BTLA: variants seen among roughly 807,000 people sequenced by gnomAD.
BTLA encodes B- and T-lymphocyte attenuator.
Under a neutral mutation model 25.0 loss-of-function variants are expected in BTLA, and 11 were observed. The ratio of observed to expected loss-of-function variants is 0.44; its 90% confidence interval spans 0.28 to 0.73. The LOEUF (loss-of-function observed/expected upper bound fraction) is 0.73, where lower values mean the gene tolerates loss of function less well. BTLA is among the 30% of genes least tolerant of loss of function. BTLA has a pLI of 0.15. For synonymous variants in BTLA, 104 were observed against 119.8 expected (o/e 0.87, Z 0.86); for missense variants, 282 against 332.8 (o/e 0.85, Z 1.19).
intron 1 of BTLA, among the ~76,000 whole-genome samples, chr3:112,481,548 G>T (rs60780375): frequency 1.4e-4 from 21 of 152,366 alleles, no homozygotes; most frequent in Admixed American, 1.0e-3. Context: ...CCTGTAAAGG[G>T]CATTCTAGTT....
Position 112,466,219 on chromosome 3 carries a change from T to C in BTLA, c.759A>G (p.Pro253=), listed in dbSNP as rs1343332107. The part of the protein sequence containing the change: ...YSNPCLEENK[P]GIVYASLNHS... ...GGTTCAGGGAAGCATAAACAATGCC[T>C]GGTTTGTTTTCTTCCAGGCATGGAT... The change falls in exon 5 of 5, where the codon CCA becomes CCG. Residue 253 remains proline (P), a synonymous_variant. Coordinates refer to ENST00000334529, the MANE Select transcript of BTLA (RefSeq NM_181780.4). The C allele has an allele frequency of 1.1e-5, 18 of 1,614,030 alleles. No homozygotes were observed. The highest frequency in any genetic ancestry group is 1.5e-5 in the Non-Finnish European group (18 of 1,179,940).
intron 3 of BTLA, 146 bp downstream of exon 3, chr3:112,471,066 T>G: frequency 8.7e-7 from 1 of 1,146,100 alleles, no homozygotes; most frequent in Non-Finnish European, 1.2e-6. Flanking sequence ...TTAGCGCAAA[T>G]ATGAGTTGTC....
In BTLA at chr3:112,499,337, G is replaced by A; in HGVS notation, c.22C>T (p.Leu8Phe). Reference sequence around the variant, plus strand: ...ACCCAAAATAATTTCCCAGTTCCAAGCATGGCAGGCAATGTCTTCATTTCC... The same window carrying A: ...ACCCAAAATAATTTCCCAGTTCCAAACATGGCAGGCAATGTCTTCATTTCC... MKTLPAMLGTGKLFWVFF... is the reference protein window; with the variant it reads MKTLPAMFGTGKLFWVFF... The change falls in exon 1 of 5, where the codon CTT becomes TTT. Residue 8 changes from leucine (L) to phenylalanine (F), a missense_variant. Physicochemically the swap from Leu to Phe is conservative, Grantham distance 22 (BLOSUM62 0). Coordinates refer to ENST00000334529, the MANE Select transcript of BTLA (RefSeq NM_181780.4). 6.2e-7 allele frequency: 1 copy of A among 1,613,754 alleles called. No homozygotes were observed. Among genetic ancestry groups the A allele is most frequent in the East Asian group, 2.2e-5 (1 of 44,862 alleles).
intron 1 of BTLA, among the ~76,000 whole-genome samples, chr3:112,491,947 T>C (rs573929744): frequency 2.0e-5 from 3 of 152,366 alleles, no homozygotes; most frequent in South Asian, 2.1e-4. Context: ...TCTTCTTTTA[T>C]GTGGGAGAGG....
At chr3:112,474,834 G>A (rs761580451) in intron 2 of BTLA, among the ~76,000 whole-genome samples, 2 of 152,192 alleles carry the variant, frequency 1.3e-5, no homozygotes, top group African/African-American at 2.4e-5. Context: ...AAGTAAGGCC[G>A]TCAGGCTGCA....
intron 1 of BTLA, among the ~76,000 whole-genome samples, chr3:112,483,904 G>T (rs1051349443): frequency 2.6e-5 from 4 of 151,960 alleles, no homozygotes; most frequent in Non-Finnish European, 4.4e-5. Flanking sequence ...GGAACTGGAG[G>T]TTCCAGTGAG....
intron 2 of BTLA, among the ~76,000 whole-genome samples, chr3:112,475,578 G>T (rs60551879): frequency 0.02 from 3,059 of 152,258 alleles, 84 homozygotes; most frequent in East Asian, 0.072. Flanking sequence ...CCAAATATGG[G>T]ATAGAGCAGA....
intron 1 of BTLA, 105 bp downstream of exon 1, chr3:112,499,166 C>G (rs1290131528): frequency 1.3e-6 from 1 of 776,290 alleles, no homozygotes; most frequent in African/African-American, 1.7e-5. Context: ...CTACGATTAC[C>G]CACTTCGTAT....
chr3:112,475,113 A>C (rs1200064910), intron 2 of BTLA, among the ~76,000 whole-genome samples: 2 of 152,220 alleles, frequency 1.3e-5, no homozygotes, highest in Non-Finnish European at 2.9e-5. Flanking sequence ...ATGGTGCGAG[A>C]TGCTTATAGA....
intron 1 of BTLA, among the ~76,000 whole-genome samples, chr3:112,481,309 T>C (rs1380551291): frequency 6.6e-6 from 1 of 152,228 alleles, no homozygotes; most frequent in African/African-American, 2.4e-5. Flanking sequence ...GCCCTCAGGC[T>C]GTCCACAACA....
intron 1 of BTLA, among the ~76,000 whole-genome samples, chr3:112,486,454 G>GA (rs757265383): frequency 1.6e-4 from 25 of 151,742 alleles, no homozygotes; most frequent in Admixed American, 1.2e-3. Context: ...CCATACAAAT[G>GA]AAAAAATGTT....
At chr3:112,475,731 T>C (rs531256034) in intron 2 of BTLA, among the ~76,000 whole-genome samples, 1 of 152,316 alleles carries the variant, frequency 6.6e-6, no homozygotes, top group Admixed American at 6.5e-5. Context: ...TACACAAGGC[T>C]TCTCTTCCAA....
intron 1 of BTLA, among the ~76,000 whole-genome samples, chr3:112,482,528 C>T (rs1386895): frequency 0.21 from 31,290 of 152,106 alleles, 6,938 homozygotes; most frequent in African/African-American, 0.54. Context: ...ACACCTAATA[C>T]ACCTTTCACT....
chr3:112,491,277 A>G (rs1409732815), intron 1 of BTLA, among the ~76,000 whole-genome samples: 1 of 152,184 alleles, frequency 6.6e-6, no homozygotes. Context: ...CCACTTGCCC[A>G]CAGGTACACT....
At chr3:112,494,239 T>C (rs2082396726) in intron 1 of BTLA, among the ~76,000 whole-genome samples, 1 of 152,188 alleles carries the variant, frequency 6.6e-6, no homozygotes, top group Non-Finnish European at 1.5e-5. Flanking sequence ...ATGGTGATTA[T>C]TAAAAAGTCA....
At chr3:112,487,693 T>C (rs559055817) in intron 1 of BTLA, among the ~76,000 whole-genome samples, 1 of 152,302 alleles carries the variant, frequency 6.6e-6, no homozygotes, top group African/African-American at 2.4e-5. Flanking sequence ...CCTTGACACA[T>C]TAGTAACGAG....
chr3:112,483,988 A>C (rs1205683257), intron 1 of BTLA, among the ~76,000 whole-genome samples: 1 of 151,932 alleles, frequency 6.6e-6, no homozygotes, highest in Non-Finnish European at 1.5e-5. Flanking sequence ...AAAAAGATAC[A>C]AACAACTTTG....
chr3:112,491,924 A>G (rs560106970), intron 1 of BTLA, among the ~76,000 whole-genome samples: 3 of 152,372 alleles, frequency 2.0e-5, no homozygotes, highest in Admixed American at 2.0e-4. Context: ...CAGCACATCC[A>G]ATATAAGCAT....
intron 2 of BTLA, among the ~76,000 whole-genome samples, chr3:112,472,355 T>G (rs12488234): frequency 0.13 from 20,343 of 152,110 alleles, 1,489 homozygotes; most frequent in South Asian, 0.29. Context: ...TGTTGTTGTT[T>G]TTTTTAATTT....
Sources: allele counts gnomAD v4.1 joint callset (sites outside exome capture counted in the v4.1 genomes callset), GRCh38; gene constraint gnomAD v4.1.1; transcripts MANE v1.5; gene names NCBI Gene and HGNC (gene_info 2026-07-23, HGNC 2026-07-21).